MAPKAP1: variants seen among roughly 807,000 people sequenced by gnomAD.
MAPKAP1 encodes the protein MAPK associated protein 1, also known as target of rapamycin complex 2 subunit MAPKAP1.
In MAPKAP1, 20 loss-of-function variants were observed where a neutral mutation model predicts 65.7. That is an observed-to-expected ratio of 0.30 (90% CI 0.21 to 0.44). MAPKAP1 has a LOEUF of 0.44. Among genes scored for constraint, MAPKAP1 ranks in the 20% least tolerant of loss-of-function variants. MAPKAP1 has a pLI of 1.00. For missense variants in MAPKAP1, 423 were observed against 648.0 expected (o/e 0.65, Z 3.77); for synonymous variants, 222 against 244.3 (o/e 0.91, Z 0.85).
chr9:125,540,017 A>G (rs1397765435), intron 7 of MAPKAP1, among the ~76,000 whole-genome samples: 1 of 152,256 alleles, frequency 6.6e-6, no homozygotes, highest in East Asian at 1.9e-4. Context: ...TGCAGTGTTC[A>G]TAGTTTTGAG....
intron 3 of MAPKAP1, among the ~76,000 whole-genome samples, chr9:125,667,011 C>T (rs1834358112): frequency 6.6e-6 from 1 of 152,110 alleles, no homozygotes; most frequent in Non-Finnish European, 1.5e-5. Flanking sequence ...AGAAGTAAGA[C>T]CACAGGCTCA....
At chr9:125,532,370 C>T (rs1291706968) in intron 7 of MAPKAP1, among the ~76,000 whole-genome samples, 1 of 152,124 alleles carries the variant, frequency 6.6e-6, no homozygotes, top group Non-Finnish European at 1.5e-5. Flanking sequence ...TACTTTCTAC[C>T]TCTCTCCCAC....
chr9:125,500,199 G>A (rs187154960), intron 8 of MAPKAP1, among the ~76,000 whole-genome samples: 1 of 152,048 alleles, frequency 6.6e-6, no homozygotes, highest in Admixed American at 6.6e-5. Flanking sequence ...GTCTCGCTCT[G>A]TGGCCCAGGC....
At chr9:125,604,690 CA>C (rs775596964) in intron 4 of MAPKAP1, among the ~76,000 whole-genome samples, 4 of 152,214 alleles carry the variant, frequency 2.6e-5, no homozygotes, top group Admixed American at 1.3e-4. Flanking sequence ...ACAGATGTAC[CA>C]AATTTATCTC....
chr9:125,610,692 TATAAAC>T (rs1832573289), intron 4 of MAPKAP1, among the ~76,000 whole-genome samples: 1 of 152,238 alleles, frequency 6.6e-6, no homozygotes, highest in African/African-American at 2.4e-5. Context: ...CCTCAGACTT[TATAAAC>T]ATAAACGAAC....
chr9:125,605,442 A>G (rs533468399), intron 4 of MAPKAP1, among the ~76,000 whole-genome samples: 1 of 152,308 alleles, frequency 6.6e-6, no homozygotes, highest in East Asian at 1.9e-4. Flanking sequence ...AGGGATTTTT[A>G]AAATATGGGT....
At chr9:125,598,405 A>G (rs1832202873) in intron 4 of MAPKAP1, among the ~76,000 whole-genome samples, 1 of 152,222 alleles carries the variant, frequency 6.6e-6, no homozygotes, top group East Asian at 1.9e-4. Context: ...TAAGCTTAAA[A>G]TAAAATTGAC....
intron 7 of MAPKAP1, among the ~76,000 whole-genome samples, chr9:125,530,900 C>A (rs2133138996): frequency 6.6e-6 from 1 of 152,366 alleles, no homozygotes; most frequent in South Asian, 2.1e-4. Context: ...GGGATGATGG[C>A]AGCTGATGTC....
At chr9:125,464,707 G>A (rs1050097333) in intron 10 of MAPKAP1, among the ~76,000 whole-genome samples, 1 of 152,188 alleles carries the variant, frequency 6.6e-6, no homozygotes, top group African/African-American at 2.4e-5. Context: ...CAGAACTGTT[G>A]TTTACGAAGC....
At chr9:125,571,568 C>T (rs1321021919) in intron 5 of MAPKAP1, among the ~76,000 whole-genome samples, 1 of 152,158 alleles carries the variant, frequency 6.6e-6, no homozygotes, top group Non-Finnish European at 1.5e-5. Flanking sequence ...TTAAATGCTG[C>T]TGATCCGGCC....
At position 125,478,664 on chromosome 9, in the gene MAPKAP1, C is replaced by T. The variant is rs866525735; in HGVS notation, c.1207+5779G>A. On this transcript the variant is annotated intron_variant, in intron 9 of 11. Coordinates refer to ENST00000265960, the MANE Select transcript of MAPKAP1 (RefSeq NM_001006617.3). ...ATTATTAATGACACCTGTGGATTGGCACCTGTGGTATGACAGATTGGGTCT... is the reference window on the plus strand; with the variant it reads ...ATTATTAATGACACCTGTGGATTGGTACCTGTGGTATGACAGATTGGGTCT... 1.5e-4 allele frequency among the ~76,000 whole-genome samples: 23 copies of T among 152,244 alleles called. No homozygotes were observed. The South Asian group carries it at 2.5e-3, about 16-fold the overall frequency.
At chr9:125,491,793 C>CAA (rs376148749) in intron 8 of MAPKAP1, among the ~76,000 whole-genome samples, 51 of 147,046 alleles carry the variant, frequency 3.5e-4, no homozygotes, top group Non-Finnish European at 5.7e-4. Context: ...ACCAAAAAAA[C>CAA]AAAAAAAAAC....
intron 1 of MAPKAP1, among the ~76,000 whole-genome samples, chr9:125,698,278 A>AATATATATAAATATATATAT (rs1291045478): frequency 3.8e-5 from 1 of 26,594 alleles, no homozygotes; most frequent in Non-Finnish European, 5.8e-5. Context: ...TATAATACAT[A>AATATATATAAATATATATAT]ATATATATAA....
At chr9:125,698,338 A>AAATATATATATATATATATATAT (rs1564622666) in intron 1 of MAPKAP1, among the ~76,000 whole-genome samples, 16 of 92,134 alleles carry the variant, frequency 1.7e-4, no homozygotes, top group Non-Finnish European at 2.8e-4. Context: ...TATATATATA[A>AAATATATATATATATATATATAT]AATATATATA....
intron 10 of MAPKAP1, among the ~76,000 whole-genome samples, chr9:125,459,671 C>G (rs1393544242): frequency 6.6e-6 from 1 of 152,250 alleles, no homozygotes; most frequent in Non-Finnish European, 1.5e-5. Context: ...GAAAGCCAGT[C>G]AGGCGTGGCG....
chr9:125,533,420 A>G (rs1399877346), intron 7 of MAPKAP1, among the ~76,000 whole-genome samples: 1 of 150,928 alleles, frequency 6.6e-6, no homozygotes, highest in Non-Finnish European at 1.5e-5. Context: ...ATTCTCACAT[A>G]CTCTTGGAAT....
At chr9:125,611,598 A>G (rs1832602500) in intron 4 of MAPKAP1, among the ~76,000 whole-genome samples, 1 of 152,218 alleles carries the variant, frequency 6.6e-6, no homozygotes, top group Non-Finnish European at 1.5e-5. Context: ...GCAAAAGAAG[A>G]AAAATAGGAA....
intron 8 of MAPKAP1, 108 bp from the exon 9 acceptor site, chr9:125,484,691 G>A: frequency 8.8e-7 from 1 of 1,130,690 alleles, no homozygotes; most frequent in Non-Finnish European, 1.2e-6. Flanking sequence ...TATTTAATTT[G>A]GAGAAGAAAA....
intron 3 of MAPKAP1, among the ~76,000 whole-genome samples, chr9:125,660,435 A>T (rs1834151465): frequency 6.6e-6 from 1 of 152,182 alleles, no homozygotes; most frequent in Non-Finnish European, 1.5e-5. Flanking sequence ...ATACCTCAAA[A>T]AAAGTAAATA....
Sources: allele counts gnomAD v4.1 joint callset (sites outside exome capture counted in the v4.1 genomes callset), GRCh38; gene constraint gnomAD v4.1.1; transcripts MANE v1.5; gene names NCBI Gene and HGNC (gene_info 2026-07-23, HGNC 2026-07-21).